The following ARNT2 variants were observed in gnomAD, a reference collection of about 807,000 sequenced individuals.
ARNT2 encodes the protein aryl hydrocarbon receptor nuclear translocator 2, also known as ARNT protein 2.
A neutral mutation model predicts 91.7 loss-of-function variants in ARNT2; 36 were observed. The ratio of observed to expected loss-of-function variants is 0.39; its 90% CI spans 0.30 to 0.52. The LOEUF (loss-of-function observed/expected upper bound fraction) is 0.52, where lower values mean the gene tolerates loss of function less well. Among genes scored for constraint, ARNT2 ranks in the 20% least tolerant of loss-of-function variants. ARNT2 has a pLI of 0.72. For missense variants in ARNT2, 775 were observed against 939.3 expected (o/e 0.83, Z 2.29); for synonymous variants, 365 against 347.1 (o/e 1.05, Z -0.57).
chr15:80,431,638 TTGTC>T (rs1239432298), intron 1 of ARNT2, among the ~76,000 whole-genome samples: 1 of 152,186 alleles, frequency 6.6e-6, no homozygotes, highest in African/African-American at 2.4e-5. Flanking sequence ...CCTCTCGTGA[TTGTC>T]TGTTCTTCCC....
At chr15:80,508,612 T>C (rs143481553) in intron 6 of ARNT2, among the ~76,000 whole-genome samples, 7 of 152,352 alleles carry the variant, frequency 4.6e-5, no homozygotes, top group African/African-American at 1.4e-4. Flanking sequence ...TTAAGATGCC[T>C]GATTTCACAC....
intron 3 of ARNT2, among the ~76,000 whole-genome samples, chr15:80,463,625 C>A (rs1896596875): frequency 7.1e-6 from 1 of 140,206 alleles, no homozygotes; most frequent in Admixed American, 7.9e-5. Context: ...GTTGCCCAAG[C>A]TGGAGTGCAA....
chr15:80,525,408 T>G (rs1897624211), intron 8 of ARNT2, among the ~76,000 whole-genome samples: 1 of 152,214 alleles, frequency 6.6e-6, no homozygotes, highest in African/African-American at 2.4e-5. Context: ...TATTTTGTGC[T>G]TACTGTTTAG....
At chr15:80,543,254 C>T (rs1897940741) in intron 8 of ARNT2, among the ~76,000 whole-genome samples, 1 of 152,142 alleles carries the variant, frequency 6.6e-6, no homozygotes, top group African/African-American at 2.4e-5. Flanking sequence ...ACACATCTTT[C>T]TAGCATCCCA....
At chr15:80,432,963 G>A (rs1170919695) in intron 1 of ARNT2, among the ~76,000 whole-genome samples, 1 of 152,072 alleles carries the variant, frequency 6.6e-6, no homozygotes. Context: ...TTAATGCCTT[G>A]TGTGTAAACA....
chr15:80,460,408 G>A (rs1423029289), intron 3 of ARNT2, among the ~76,000 whole-genome samples: 1 of 152,176 alleles, frequency 6.6e-6, no homozygotes, highest in Non-Finnish European at 1.5e-5. Context: ...CAAAGTAGTA[G>A]ATGTGAAGCT....
At chr15:80,467,026 T>C (rs939009152) in intron 3 of ARNT2, among the ~76,000 whole-genome samples, 2 of 152,232 alleles carry the variant, frequency 1.3e-5, no homozygotes, top group African/African-American at 4.8e-5. Context: ...GACAAGCTCT[T>C]TGGATAATAG....
chr15:80,419,953 G>A (rs1248102514), intron 1 of ARNT2, among the ~76,000 whole-genome samples: 4 of 152,168 alleles, frequency 2.6e-5, no homozygotes, highest in Non-Finnish European at 5.9e-5. Flanking sequence ...TGGAGGAGAT[G>A]GTGGTGGGCT....
intron 11 of ARNT2, among the ~76,000 whole-genome samples, chr15:80,559,056 C>T (rs961673350): frequency 1.3e-5 from 2 of 152,118 alleles, no homozygotes; most frequent in East Asian, 1.9e-4. Flanking sequence ...AGTTGCCTGC[C>T]CCAGGTTACA....
At chr15:80,529,727 C>T (rs1283826784) in intron 8 of ARNT2, among the ~76,000 whole-genome samples, 4 of 152,134 alleles carry the variant, frequency 2.6e-5, no homozygotes, top group Admixed American at 2.6e-4. Flanking sequence ...GCTCTCTTCA[C>T]TTTAGGATGT....
At chr15:80,430,572 G>A (rs1379935579) in intron 1 of ARNT2, among the ~76,000 whole-genome samples, 1 of 152,138 alleles carries the variant, frequency 6.6e-6, no homozygotes, top group Non-Finnish European at 1.5e-5. Flanking sequence ...CAGTCTCAAC[G>A]GGAGCTGCAA....
At chr15:80,523,006 G>A (rs1354750790) in intron 8 of ARNT2, among the ~76,000 whole-genome samples, 1 of 152,136 alleles carries the variant, frequency 6.6e-6, no homozygotes, top group East Asian at 1.9e-4. Flanking sequence ...TCTTGACAGT[G>A]TTCTAGAATT....
At chr15:80,571,011 G>T (rs1898574344) in intron 12 of ARNT2, among the ~76,000 whole-genome samples, 1 of 152,200 alleles carries the variant, frequency 6.6e-6, no homozygotes. Flanking sequence ...GGCCAGAGGA[G>T]GAAATGGCGT....
chr15:80,551,277 T>C lies in ARNT2; in HGVS notation c.954+2T>C. 1 of 1,613,034 alleles carries C rather than the reference T, an allele frequency of 6.2e-7. No homozygotes were observed. Among genetic ancestry groups the C allele is most frequent in the Non-Finnish European group, 8.5e-7 (1 of 1,179,062 alleles). On this transcript the variant is annotated splice_donor_variant, in intron 9 of 18. Coordinates refer to ENST00000303329, the MANE Select transcript of ARNT2 (RefSeq NM_014862.4). LOFTEE classifies it high-confidence loss of function. ...CTCGTGGCAATTGGGAGACTCCAGG[T>C]AAGAAAAAATTCGTAGCCTTTTTAA...
chr15:80,495,926 C>T (rs1167721436), intron 5 of ARNT2, among the ~76,000 whole-genome samples: 2 of 152,354 alleles, frequency 1.3e-5, no homozygotes, highest in East Asian at 3.9e-4. Flanking sequence ...CCAGTCTGCT[C>T]TCTCCAACAT....
chr15:80,552,665 A>G lies in ARNT2; in HGVS notation c.980A>G (p.Asp327Gly), dbSNP rs1898102884. ...GTGACCAGCTCTCCTGTATGCATGG[A>G]CATGAATGGGATGTCGGTGCCCACA... is the stretch of plus-strand genomic sequence containing the variant. ...LQVTSSPVCMDMNGMSVPTEF... is the reference protein window; with the variant it reads ...LQVTSSPVCMGMNGMSVPTEF... Residue 327 changes from aspartate (D) to glycine (G), a missense_variant, in exon 10 of 19, where the codon GAC becomes GGC. This residue lies in a region of ARNT2 where 285 missense variants were observed against 327.2 expected (regional missense o/e 0.87). Transcript: ENST00000303329. 6.2e-7 allele frequency: 1 copy of G among 1,614,134 alleles called. No individual in the cohort carries two copies. Among genetic ancestry groups the G allele is most frequent in the East Asian group, 2.2e-5 (1 of 44,880 alleles).
intron 8 of ARNT2, among the ~76,000 whole-genome samples, chr15:80,539,854 T>C (rs899520498): frequency 6.6e-6 from 1 of 151,508 alleles, no homozygotes; most frequent in Non-Finnish European, 1.5e-5. Context: ...CCATCTAGGA[T>C]GGCTATTATC....
At chr15:80,454,377 C>T (rs1005139529) in intron 2 of ARNT2, among the ~76,000 whole-genome samples, 3 of 152,150 alleles carry the variant, frequency 2.0e-5, no homozygotes, top group Admixed American at 6.5e-5. Context: ...ATGTGTCAGT[C>T]CCTTTCCACT....
chr15:80,406,476 C>T (rs1489781541), intron 1 of ARNT2, among the ~76,000 whole-genome samples: 1 of 152,160 alleles, frequency 6.6e-6, no homozygotes, highest in Non-Finnish European at 1.5e-5. Context: ...CATTTTAGTC[C>T]AATATACACT....
Sources: gnomAD v4.1 joint callset for allele counts (sites outside exome capture counted in the v4.1 genomes callset) on GRCh38, gnomAD v4.1.1 for gene constraint, gnomAD v4.1.1 regional missense constraint, MANE v1.5 for transcripts, NCBI Gene and HGNC (gene_info 2026-07-23, HGNC 2026-07-21) for gene names.